The following SMARCA2 variants were observed in gnomAD, a reference collection of about 807,000 sequenced individuals.
SMARCA2 encodes SWI/SNF related BAF chromatin remodeling complex subunit ATPase 2.
Under a neutral mutation model 199.8 loss-of-function variants are expected in SMARCA2, and 61 were observed. That is an observed-to-expected ratio of 0.31 (90% CI 0.25 to 0.38). SMARCA2 has a LOEUF of 0.38. Among genes scored for constraint, SMARCA2 ranks in the 10% least tolerant of loss-of-function variants. The pLI, the probability that SMARCA2 is intolerant of heterozygous loss-of-function variation, is 1.00. For synonymous variants in SMARCA2, 935 were observed against 732.0 expected (o/e 1.28, Z -4.48); for missense variants, 1,344 against 2,012.2 (o/e 0.67, Z 6.35).
In SMARCA2 at chr9:2,118,103, A is replaced by G. The variant is rs138152073; in HGVS notation, c.3685-1355A>G. On this transcript the variant is annotated intron_variant, in intron 25 of 33. Coordinates refer to ENST00000349721, the MANE Select transcript of SMARCA2 (RefSeq NM_003070.5). ...GGGCATGGGGTTGTCTGAGCCCCTCATGGTCCAGGTGATGAGAGGGTAATG... is the reference window on the plus strand; with the variant it reads ...GGGCATGGGGTTGTCTGAGCCCCTCGTGGTCCAGGTGATGAGAGGGTAATG... 3.9e-3 allele frequency among the ~76,000 whole-genome samples: 595 copies of G among 152,310 alleles called. 3 individuals carry two copies. Among genetic ancestry groups the G allele is most frequent in the African/African-American group, 0.013 (559 of 41,588 alleles).
At chr9:2,072,401 C>T (rs889384606) in intron 10 of SMARCA2, among the ~76,000 whole-genome samples, 15 of 152,154 alleles carry the variant, frequency 9.9e-5, no homozygotes, top group Non-Finnish European at 1.5e-4. Flanking sequence ...ATATAGTAGT[C>T]TAGTAATGAA....
intron 9 of SMARCA2, among the ~76,000 whole-genome samples, chr9:2,070,083 C>G (rs958483014): frequency 6.6e-6 from 1 of 152,168 alleles, no homozygotes; most frequent in Non-Finnish European, 1.5e-5. Flanking sequence ...GATATATCTT[C>G]CCACTCCCAA....
At chr9:2,068,943 G>A (rs1017563715) in intron 9 of SMARCA2, 1 of 151,050 alleles carries the variant, frequency 6.6e-6, no homozygotes, top group African/African-American at 2.4e-5. Context: ...TTGAGACACA[G>A]TCTCTCTCTG....
At chr9:2,081,419 C>A (rs1821562577) in intron 14 of SMARCA2, among the ~76,000 whole-genome samples, 1 of 152,240 alleles carries the variant, frequency 6.6e-6, no homozygotes, top group Non-Finnish European at 1.5e-5. Context: ...GAGGGGACCT[C>A]ACCCATATTA....
intron 8 of SMARCA2, among the ~76,000 whole-genome samples, chr9:2,060,147 AAAATC>A (rs1820522993): frequency 7.0e-6 from 1 of 143,222 alleles, no homozygotes; most frequent in Non-Finnish European, 1.5e-5. Context: ...AAAAAAAAAA[AAAATC>A]CCCCAAATTT....
chr9:2,168,584 C>T (rs924530389), intron 28 of SMARCA2, among the ~76,000 whole-genome samples: 11 of 152,150 alleles, frequency 7.2e-5, no homozygotes, highest in African/African-American at 1.7e-4. Context: ...TTTACTGTGT[C>T]GAAGGCTTTC....
At chr9:2,066,360 A>ATTTCT (rs1328858699) in intron 9 of SMARCA2, among the ~76,000 whole-genome samples, 1 of 152,176 alleles carries the variant, frequency 6.6e-6, no homozygotes, top group African/African-American at 2.4e-5. Flanking sequence ...ATATTTAGAG[A>ATTTCT]TTTCTTTCCC....
intron 27 of SMARCA2, among the ~76,000 whole-genome samples, chr9:2,129,412 C>T (rs1823841470): frequency 6.6e-6 from 1 of 152,006 alleles, no homozygotes; most frequent in Non-Finnish European, 1.5e-5. Context: ...AGCGAGACTC[C>T]ATCTCGAAAA....
Position 2,119,889 on chromosome 9 carries a change from T to C in SMARCA2, c.3762+354T>C, listed in dbSNP as rs542384486. Among the ~76,000 whole-genome samples, 4 of 152,308 alleles carry C rather than the reference T, an allele frequency of 2.6e-5. No homozygotes were observed. In the South Asian group the frequency reaches 8.3e-4, roughly 32 times the overall value. ...TGGACAGGCCTCGCGGTCTACAGCT[T>C]ACCATAGACGCCCTCCTGTTCCCAG... On this transcript the variant is annotated intron_variant, in intron 26 of 33. Transcript: ENST00000349721. The surrounding 1 kb of genome is among the most constrained non-coding windows in gnomAD (Gnocchi z 4.6).
chr9:2,172,107 TC>T (rs920101994), intron 29 of SMARCA2, among the ~76,000 whole-genome samples: 22 of 152,304 alleles, frequency 1.4e-4, no homozygotes, highest in African/African-American at 5.3e-4. Flanking sequence ...CACTTCCTTT[TC>T]CCATAAGCCT....
At chr9:2,135,771 G>A (rs1348237004) in intron 27 of SMARCA2, among the ~76,000 whole-genome samples, 1 of 152,202 alleles carries the variant, frequency 6.6e-6, no homozygotes, top group African/African-American at 2.4e-5. Flanking sequence ...TTGAACTCCT[G>A]ACCTCAGGTG....
intron 31 of SMARCA2, among the ~76,000 whole-genome samples, chr9:2,183,469 T>C (rs983746100): frequency 9.8e-5 from 15 of 152,330 alleles, no homozygotes; most frequent in East Asian, 7.7e-4. Context: ...ATGTAGGACT[T>C]TTTTCCTGTC....
intron 32 of SMARCA2, 51 bp downstream of exon 32, chr9:2,186,279 T>A (rs1476775820): frequency 6.4e-7 from 1 of 1,559,832 alleles, no homozygotes; most frequent in African/African-American, 1.4e-5. Flanking sequence ...CTCACCTGCA[T>A]AGCTGTCTCC....
chr9:2,116,114 A>G (rs1823206933), intron 25 of SMARCA2, 65 bp downstream of exon 25: 2 of 1,235,074 alleles, frequency 1.6e-6, no homozygotes, highest in Admixed American at 1.9e-5. Flanking sequence ...AGGACTCAGA[A>G]TAATCCCTTT....
At chr9:2,088,272 C>G (rs1319667077) in intron 18 of SMARCA2, among the ~76,000 whole-genome samples, 1 of 152,152 alleles carries the variant, frequency 6.6e-6, no homozygotes, top group Non-Finnish European at 1.5e-5. Context: ...GGCTCTTTTC[C>G]ATAGAACTCA....
chr9:2,159,835 C>G (rs766308479), intron 27 of SMARCA2: 8 of 1,611,886 alleles, frequency 5.0e-6, no homozygotes, highest in Non-Finnish European at 2.5e-6. Context: ...ACTAGCAGCT[C>G]GCTGCTTTGC....
rs537721153 is a variant in SMARCA2, at chr9:2,021,760, A to G, written c.-37+6356A>G. Among the ~76,000 whole-genome samples the G allele has an allele frequency of 2.6e-4, 39 of 152,380 alleles. 1 individual carries two copies. In the South Asian group the frequency reaches 8.1e-3, roughly 32 times the overall value. On this transcript the variant is annotated intron_variant, in intron 1 of 33. Coordinates refer to ENST00000349721, the MANE Select transcript of SMARCA2 (RefSeq NM_003070.5). ...TAAAGAATGTACCTGAACATTTAAT[A>G]TTGTATTTATAATAGCATATTGAAT...
intron 28 of SMARCA2, among the ~76,000 whole-genome samples, chr9:2,166,399 T>A (rs1825931261): frequency 6.6e-6 from 1 of 152,202 alleles, no homozygotes; most frequent in Admixed American, 6.5e-5. Context: ...ATTGAATATG[T>A]GACTTCTTGA....
chr9:2,153,462 G>T (rs553962982), intron 27 of SMARCA2, among the ~76,000 whole-genome samples: 2 of 152,240 alleles, frequency 1.3e-5, no homozygotes, highest in East Asian at 3.9e-4. Context: ...AGCCCACAAG[G>T]TTAAGGCTGT....
Sources: allele counts gnomAD v4.1 joint callset (sites outside exome capture counted in the v4.1 genomes callset), GRCh38; gene constraint gnomAD v4.1.1; non-coding constraint Gnocchi (gnomAD v3.1); transcripts MANE v1.5; gene names NCBI Gene and HGNC (gene_info 2026-07-23, HGNC 2026-07-21).